The following CELA2A variants were observed in gnomAD, a reference collection of about 807,000 sequenced individuals.
The protein encoded by CELA2A is chymotrypsin-like elastase family member 2A.
A neutral mutation model predicts 35.3 loss-of-function variants in CELA2A; 31 were observed. The observed-to-expected ratio is 0.88, with a 90% CI of 0.66 to 1.19. CELA2A has a LOEUF of 1.19. Among genes scored for constraint, CELA2A ranks in the 50% most tolerant of loss-of-function variants. The pLI, the probability that CELA2A is intolerant of heterozygous loss-of-function variation, is 0.00. For synonymous variants in CELA2A, 150 were observed against 149.8 expected (o/e 1.00, Z -0.01); for missense variants, 330 against 352.9 (o/e 0.94, Z 0.52).
rs757901311 is a variant in CELA2A, at chr1:15,462,862, G to T, written c.356+1G>T. ...GGAACTCCAACCAAATCTCCAAAGGGTTCGTTTCTGTCTGGGTGCACTTGG... is the reference window on the plus strand; with the variant it reads ...GGAACTCCAACCAAATCTCCAAAGGTTTCGTTTCTGTCTGGGTGCACTTGG... On this transcript the variant is annotated splice_donor_variant, in intron 4 of 7. Transcript: ENST00000359621. LOFTEE classifies it high-confidence loss of function. The T allele has an allele frequency of 6.2e-7, 1 of 1,613,998 alleles. No individual in the cohort carries two copies. The highest frequency in any genetic ancestry group is 2.2e-5 in the East Asian group (1 of 44,900).
chr1:15,469,961 C>A (rs552318267), intron 7 of CELA2A, among the ~76,000 whole-genome samples: 2 of 152,254 alleles, frequency 1.3e-5, no homozygotes, highest in African/African-American at 4.8e-5. Flanking sequence ...TTTTTCCCAG[C>A]ATCAGCTGTT....
At chr1:15,467,634 C>T (rs1362999224) in intron 7 of CELA2A, 96 bp downstream of exon 7, 3 of 1,462,906 alleles carry the variant, frequency 2.1e-6, no homozygotes, top group Admixed American at 3.7e-5. Context: ...TCCCCTCCTT[C>T]CTCTTGAGAG....
chr1:15,468,685 CTGTAG>C (rs1267204503), intron 7 of CELA2A, among the ~76,000 whole-genome samples: 1 of 152,120 alleles, frequency 6.6e-6, no homozygotes, highest in Non-Finnish European at 1.5e-5. Flanking sequence ...TGGTACATGC[CTGTAG>C]TCTCAGCTAC....
At position 15,457,026 on chromosome 1, in the gene CELA2A, G is replaced by A. The variant is rs572158618; in HGVS notation, c.41-60G>A. 95 of 1,515,142 alleles carry A rather than the reference G, an allele frequency of 6.3e-5. No individual in the cohort carries two copies. In the South Asian group the frequency reaches 9.7e-4, roughly 15 times the overall value. 93.9% of individuals were successfully genotyped at this position (1,515,142 alleles called of 1,614,324 possible). ...TTTGGGGGGTCAGAATGCGCAGCAA[G>A]TGTAGTTTACATTGTGTGGGTCGCT... is the stretch of plus-strand genomic sequence containing the variant. On this transcript the variant is annotated intron_variant, in intron 1 of 7. Transcript: ENST00000359621.
chr1:15,461,940 G>T, intron 3 of CELA2A: 1 of 621,340 alleles, frequency 1.6e-6, no homozygotes. Flanking sequence ...TGTGGCCTCT[G>T]GATCTGGAAT....
intron 6 of CELA2A, 117 bp downstream of exon 6, chr1:15,466,261 C>T: frequency 7.9e-7 from 1 of 1,262,558 alleles, no homozygotes; most frequent in South Asian, 1.4e-5. Context: ...TACCCCGAAA[C>T]ATGTTCCAGA....
At chr1:15,470,371 A>T (rs930276516) in intron 7 of CELA2A, among the ~76,000 whole-genome samples, 2 of 152,172 alleles carry the variant, frequency 1.3e-5, no homozygotes, top group African/African-American at 4.8e-5. Flanking sequence ...AGAGGAGACA[A>T]GTGGCCTGGG....
At position 15,467,460 on chromosome 1, in the gene CELA2A, G is replaced by T. The variant is rs761588089; in HGVS notation, c.714G>T (p.Gly238=). Reference sequence around the variant, plus strand: ...AGGTGCACGGCATCGTCAGCTTCGGGTCTCGCCTCGGCTGCAACTACTACC... The same window carrying T: ...AGGTGCACGGCATCGTCAGCTTCGGTTCTCGCCTCGGCTGCAACTACTACC... ...RWQVHGIVSF[G]SRLGCNYYHK... Residue 238 remains glycine (G), a synonymous_variant, in exon 7 of 8, where the codon GGG becomes GGT. Coordinates refer to ENST00000359621, the MANE Select transcript of CELA2A (RefSeq NM_033440.3). 6.2e-7 allele frequency: 1 copy of T among 1,614,130 alleles called. No homozygotes were observed. Among genetic ancestry groups the T allele is most frequent in the South Asian group, 1.1e-5 (1 of 91,086 alleles).
chr1:15,463,599 C>T (rs758485899), intron 5 of CELA2A, 77 bp downstream of exon 5: 2 of 1,599,972 alleles, frequency 1.3e-6, no homozygotes, highest in Non-Finnish European at 1.7e-6. Flanking sequence ...GCCGGGGCCT[C>T]TCACCTGTCA....
intron 3 of CELA2A, 135 bp from the exon 4 acceptor site, chr1:15,462,594 CTGAT>C (rs1227294310): frequency 1.4e-5 from 14 of 1,006,632 alleles, no homozygotes; most frequent in South Asian, 6.2e-5. Context: ...TTATAACTAA[CTGAT>C]TGTCCCAGGG....
intron 3 of CELA2A, 76 bp downstream of exon 3, chr1:15,461,734 G>A: frequency 1.3e-6 from 2 of 1,546,858 alleles, no homozygotes; most frequent in South Asian, 1.1e-5. Context: ...CAAATGGCCT[G>A]AACCATGCTA....
intron 7 of CELA2A, among the ~76,000 whole-genome samples, chr1:15,468,535 C>T (rs1052258231): frequency 2.0e-5 from 3 of 152,168 alleles, no homozygotes; most frequent in African/African-American, 7.2e-5. Flanking sequence ...GGCCAGGTGC[C>T]ATGGCTCATG....
At chr1:15,468,305 T>C (rs918302950) in intron 7 of CELA2A, among the ~76,000 whole-genome samples, 1 of 152,100 alleles carries the variant, frequency 6.6e-6, no homozygotes, top group African/African-American at 2.4e-5. Context: ...CCAACCATCA[T>C]GGTTTGCCCA....
chr1:15,459,319 C>T (rs973141314), intron 2 of CELA2A, among the ~76,000 whole-genome samples: 1 of 144,192 alleles, frequency 6.9e-6, no homozygotes, highest in Non-Finnish European at 1.5e-5. Context: ...CATGCCCCCA[C>T]ACCCGGTTAA....
In CELA2A at chr1:15,463,449, C is replaced by T. The variant is rs141955383; in HGVS notation, c.420C>T (p.Ala140=). The T allele has an allele frequency of 1.2e-3, 1,958 of 1,613,924 alleles. No individual in the cohort carries two copies. The highest frequency in any genetic ancestry group is 1.6e-3 in the Non-Finnish European group (1,853 of 1,179,928). ...PVSLTDKIQL[A]CLPPAGTILP... is the part of the protein sequence containing the mutation. ...CCCTCACCGACAAGATCCAGCTGGCCTGCCTCCCTCCTGCCGGCACCATTC... is the reference window on the plus strand; with the variant it reads ...CCCTCACCGACAAGATCCAGCTGGCTTGCCTCCCTCCTGCCGGCACCATTC... Residue 140 remains alanine, a synonymous_variant, in exon 5 of 8, where the codon GCC becomes GCT. Transcript: ENST00000359621.
At position 15,463,479 on chromosome 1, in the gene CELA2A, C is replaced by T. The variant is rs1428609601; in HGVS notation, c.450C>T (p.Pro150=). 6.2e-7 allele frequency: 1 copy of T among 1,614,066 alleles called. No homozygotes were observed. The change falls in exon 5 of 8, where the codon CCC becomes CCT. Residue 150 remains proline, a synonymous_variant. Coordinates refer to ENST00000359621, the MANE Select transcript of CELA2A (RefSeq NM_033440.3). ...TCCCTCCTGCCGGCACCATTCTACC[C>T]AACAACTACCCCTGCTACGTCACGG... ...ACLPPAGTIL[P]NNYPCYVTGW...
chr1:15,461,263 T>C (rs1238700006), intron 2 of CELA2A, among the ~76,000 whole-genome samples: 1 of 152,178 alleles, frequency 6.6e-6, no homozygotes, highest in Non-Finnish European at 1.5e-5. Context: ...GGTTTCACCA[T>C]GTTGCCCAGG....
chr1:15,458,382 C>T (rs577825433), intron 2 of CELA2A, among the ~76,000 whole-genome samples: 25 of 152,074 alleles, frequency 1.6e-4, no homozygotes, highest in Admixed American at 4.6e-4. Context: ...ATATAAATAA[C>T]GACTCTCTTT....
At chr1:15,467,577 C>T (rs1708538511) in intron 7 of CELA2A, 39 bp downstream of exon 7, 2 of 1,606,112 alleles carry the variant, frequency 1.2e-6, no homozygotes, top group Non-Finnish European at 1.7e-6. Flanking sequence ...AGGCACTACC[C>T]TGCTCACCTG....
Sources: gnomAD v4.1 joint callset for allele counts (sites outside exome capture counted in the v4.1 genomes callset) on GRCh38, gnomAD v4.1.1 for gene constraint, MANE v1.5 for transcripts, NCBI Gene and HGNC (gene_info 2026-07-23, HGNC 2026-07-21) for gene names.